Variants in GPHN observed in about 807,000 individuals in gnomAD.
The protein encoded by GPHN is gephyrin.
A neutral mutation model predicts 95.5 loss-of-function variants in GPHN; 17 were observed. The observed-to-expected ratio is 0.18, with a 90% CI of 0.12 to 0.27. The LOEUF is 0.27. GPHN is among the 10% of genes least tolerant of loss of function. The pLI is 1.00. For synonymous variants in GPHN, 320 were observed against 322.5 expected (o/e 0.99, Z 0.08); for missense variants, 660 against 978.1 (o/e 0.67, Z 4.34).
rs140893503 is a variant in GPHN at position 67,158,320 on chromosome 14, A to G, written c.1837-1095A>G. On this transcript the variant is annotated intron_variant, in intron 18 of 22. Transcript: ENST00000478722. ...AAAACTCCATCTCAAAAAAAAAAAA[A>G]AAAAAAGATACTTTTTCCTAAAAAC... Among the ~76,000 whole-genome samples the G allele has an allele frequency of 2.6e-3, 392 of 152,034 alleles. 2 individuals carry two copies. The highest frequency in any genetic ancestry group is 8.9e-3 in the African/African-American group (371 of 41,466).
At chr14:67,028,963 T>C (rs1303096928) in intron 10 of GPHN, among the ~76,000 whole-genome samples, 1 of 152,204 alleles carries the variant, frequency 6.6e-6, no homozygotes, top group African/African-American at 2.4e-5. Context: ...AAGTGTTTCT[T>C]CTGTGTTTTC....
At chr14:66,533,071 C>T (rs2059006162) in intron 1 of GPHN, among the ~76,000 whole-genome samples, 1 of 152,150 alleles carries the variant, frequency 6.6e-6, no homozygotes. Context: ...TGCCTTCTCC[C>T]TAGCCATCTA....
At chr14:67,144,700 A>G (rs1219800838) in intron 18 of GPHN, among the ~76,000 whole-genome samples, 1 of 152,184 alleles carries the variant, frequency 6.6e-6, no homozygotes, top group Non-Finnish European at 1.5e-5. Flanking sequence ...TTGTAGCTAT[A>G]AAACTGCCTA....
At chr14:67,664,851 A>C in the GPHN span, among the ~76,000 whole-genome samples, 1 of 150,670 alleles carries the variant, frequency 6.6e-6, no homozygotes, top group Admixed American at 6.6e-5. Flanking sequence ...TGATTTGTCT[A>C]CTCTGATTTT....
the GPHN span, among the ~76,000 whole-genome samples, chr14:67,327,261 C>T: frequency 6.6e-6 from 1 of 152,130 alleles, no homozygotes; most frequent in Admixed American, 6.5e-5. Flanking sequence ...GTTTTCATTT[C>T]TCTTGGATAA....
At chr14:66,750,359 C>G (rs2058321796) in intron 2 of GPHN, among the ~76,000 whole-genome samples, 1 of 151,848 alleles carries the variant, frequency 6.6e-6, no homozygotes, top group Non-Finnish European at 1.5e-5. Context: ...CCAATTTTGG[C>G]TCTGCAAGGA....
At chr14:67,000,096 A>G (rs2072112503) in intron 9 of GPHN, among the ~76,000 whole-genome samples, 3 of 151,814 alleles carry the variant, frequency 2.0e-5, no homozygotes, top group African/African-American at 7.2e-5. Flanking sequence ...AAGAACTTCT[A>G]GCTACCTAAA....
chr14:67,252,865 C>T, the GPHN span, among the ~76,000 whole-genome samples: 1 of 152,170 alleles, frequency 6.6e-6, no homozygotes, highest in Non-Finnish European at 1.5e-5. Flanking sequence ...GATAATTTGA[C>T]ATTTGAAACA....
the GPHN span, among the ~76,000 whole-genome samples, chr14:67,431,731 CAA>C: frequency 6.6e-6 from 1 of 151,780 alleles, no homozygotes; most frequent in Non-Finnish European, 1.5e-5. Context: ...AAAACAGCGG[CAA>C]AAAAGGTTGG....
At chr14:66,873,103 G>A (rs1339750063) in intron 4 of GPHN, among the ~76,000 whole-genome samples, 1 of 152,200 alleles carries the variant, frequency 6.6e-6, no homozygotes, top group Non-Finnish European at 1.5e-5. Flanking sequence ...GGACTGGTTA[G>A]ACAGTGGGTG....
chr14:67,343,564 C>A, the GPHN span: 1 of 695,996 alleles, frequency 1.4e-6, no homozygotes, highest in Non-Finnish European at 2.4e-6. Flanking sequence ...TTTTGGCATG[C>A]TTAAAAAACA....
the GPHN span, chr14:67,646,875 A>G: frequency 3.4e-6 from 5 of 1,452,238 alleles, no homozygotes; most frequent in Non-Finnish European, 4.8e-6. Flanking sequence ...TATTTGTTAA[A>G]AATGCTCTTT....
At chr14:66,575,688 T>C (rs2060874067) in intron 1 of GPHN, among the ~76,000 whole-genome samples, 1 of 152,110 alleles carries the variant, frequency 6.6e-6, no homozygotes, top group Admixed American at 6.5e-5. Context: ...GCCTGGATCC[T>C]GGGTGCCTGG....
chr14:66,925,080 ACTTAGCATCCATAGTCT>A (rs766109323), intron 8 of GPHN, among the ~76,000 whole-genome samples: 7 of 152,164 alleles, frequency 4.6e-5, no homozygotes, highest in Middle Eastern at 3.2e-3. Context: ...AAAACCAACA[ACTTAGCATCCATAGTCT>A]CTTAGAAGAT....
the GPHN span, among the ~76,000 whole-genome samples, chr14:67,259,512 T>C: frequency 6.6e-6 from 1 of 152,184 alleles, no homozygotes; most frequent in Admixed American, 6.5e-5. Context: ...CTCAGGAGGC[T>C]GAGGCAGGAG....
At chr14:66,622,303 A>G (rs377540553) in intron 1 of GPHN, among the ~76,000 whole-genome samples, 180 of 152,198 alleles carry the variant, frequency 1.2e-3, no homozygotes, top group African/African-American at 3.9e-3. Context: ...TCTGGACTGC[A>G]CACACCATGG....
chr14:66,840,789 G>T (rs2062044355), intron 4 of GPHN, among the ~76,000 whole-genome samples: 1 of 148,798 alleles, frequency 6.7e-6, no homozygotes, highest in African/African-American at 2.5e-5. Context: ...TTGGGCTGTA[G>T]TTTGCCAACC....
chr14:66,741,865 G>A (rs1378139533), intron 2 of GPHN, among the ~76,000 whole-genome samples: 1 of 152,074 alleles, frequency 6.6e-6, no homozygotes, highest in Non-Finnish European at 1.5e-5. Flanking sequence ...TTGTCCAATT[G>A]ATTCATGATA....
chr14:67,579,831 T>C, the GPHN span: 1 of 1,608,296 alleles, frequency 6.2e-7, no homozygotes, highest in Non-Finnish European at 8.5e-7. Context: ...TCACGGACGA[T>C]CCCTCGGGCA....
Sources: gnomAD v4.1 joint callset for allele counts (sites outside exome capture counted in the v4.1 genomes callset) on GRCh38, gnomAD v4.1.1 for gene constraint, MANE v1.5 for transcripts, NCBI Gene and HGNC (gene_info 2026-07-23, HGNC 2026-07-21) for gene names.